The following KCNQ5 variants were observed in gnomAD, a reference collection of about 807,000 sequenced individuals.
KCNQ5 encodes potassium voltage-gated channel subfamily Q member 5, also known as potassium voltage-gated channel subfamily KQT member 5.
KCNQ5 carries 30 observed loss-of-function variants against 98.2 expected under a neutral mutation model. The ratio of observed to expected loss-of-function variants is 0.31; its 90% CI spans 0.23 to 0.41. The LOEUF is 0.41. KCNQ5 is among the 10% of genes least tolerant of loss of function. The pLI, the probability that KCNQ5 is intolerant of heterozygous loss-of-function variation, is 1.00. For synonymous variants in KCNQ5, 458 were observed against 449.4 expected, an observed-to-expected ratio of 1.02 and a Z score of -0.24; for missense variants, 835 against 1,182.5, an observed-to-expected ratio of 0.71 and a Z score of 4.31.
chr6:73,105,836 T>C (rs1191076779), intron 6 of KCNQ5, among the ~76,000 whole-genome samples: 1 of 152,190 alleles, frequency 6.6e-6, no homozygotes, highest in Non-Finnish European at 1.5e-5. Context: ...ATTCATTGTG[T>C]CATCATCATT....
rs1478196512 is a variant in KCNQ5 at position 72,655,042 on chromosome 6, T to C, written c.398+32455T>C. Among the ~76,000 whole-genome samples, 890 of 142,602 alleles carry C rather than the reference T, an allele frequency of 6.2e-3. 3 individuals carry two copies. The highest frequency in any genetic ancestry group is 0.012 in the South Asian group (53 of 4,404). 93.6% of individuals were successfully genotyped at this position (142,602 alleles called of 152,430 possible). ...GGTCTGTCTGTCTTTCTTTCTTTCTTTCTTTCTTTCTTTCTTTCTTTCTTT... is the reference window on the plus strand; with the variant it reads ...GGTCTGTCTGTCTTTCTTTCTTTCTCTCTTTCTTTCTTTCTTTCTTTCTTT... On this transcript the variant is annotated intron_variant, in intron 1 of 13. Coordinates refer to ENST00000370398, the MANE Select transcript of KCNQ5 (RefSeq NM_019842.4).
intron 1 of KCNQ5, among the ~76,000 whole-genome samples, chr6:72,910,141 T>C (rs997262727): frequency 6.6e-6 from 1 of 152,176 alleles, no homozygotes; most frequent in African/African-American, 2.4e-5. Flanking sequence ...TGAATACACC[T>C]AAATTGCAGG....
chr6:72,757,988 T>C (rs1216969431), intron 1 of KCNQ5, among the ~76,000 whole-genome samples: 2 of 152,002 alleles, frequency 1.3e-5, no homozygotes, highest in African/African-American at 4.8e-5. Flanking sequence ...GCATAGTATC[T>C]GCTCCCAAGT....
chr6:72,665,824 T>C (rs1236873354), intron 1 of KCNQ5, among the ~76,000 whole-genome samples: 1 of 152,170 alleles, frequency 6.6e-6, no homozygotes, highest in African/African-American at 2.4e-5. Context: ...GCCACACCAC[T>C]GCTATATTAT....
chr6:72,872,530 G>A (rs1378000002), intron 1 of KCNQ5, among the ~76,000 whole-genome samples: 2 of 152,010 alleles, frequency 1.3e-5, no homozygotes, highest in East Asian at 1.9e-4. Context: ...ATCTTTACAT[G>A]GATTATTTCA....
intron 11 of KCNQ5, among the ~76,000 whole-genome samples, chr6:73,179,996 GATGAATGA>G (rs3837017): frequency 0.048 from 7,311 of 151,682 alleles, 200 homozygotes; most frequent in East Asian, 0.11. Flanking sequence ...ATAAATGTTT[GATGAATGA>G]ATGAATGAAT....
chr6:72,774,736 T>C (rs1773079521), intron 1 of KCNQ5, among the ~76,000 whole-genome samples: 1 of 152,108 alleles, frequency 6.6e-6, no homozygotes, highest in African/African-American at 2.4e-5. Flanking sequence ...ATGAAAAGGT[T>C]CTCGGCTTAA....
chr6:72,987,517 T>A, intron 1 of KCNQ5: 1 of 660,734 alleles, frequency 1.5e-6, no homozygotes, highest in East Asian at 3.4e-5. Flanking sequence ...TCCCCTTCGT[T>A]CAGCCGCCAC....
At chr6:72,671,473 C>CT (rs1248059012) in intron 1 of KCNQ5, among the ~76,000 whole-genome samples, 3 of 152,090 alleles carry the variant, frequency 2.0e-5, no homozygotes, top group Non-Finnish European at 4.4e-5. Context: ...AACCACATAC[C>CT]TTTGTGGTTT....
intron 1 of KCNQ5, among the ~76,000 whole-genome samples, chr6:72,753,955 A>G (rs1771823833): frequency 6.6e-6 from 1 of 152,102 alleles, no homozygotes; most frequent in African/African-American, 2.4e-5. Context: ...TACATAGACA[A>G]TCATGTGGTC....
intron 3 of KCNQ5, 73 bp from the exon 4 acceptor site, chr6:73,077,249 T>C: frequency 2.8e-6 from 4 of 1,433,274 alleles, no homozygotes; most frequent in Non-Finnish European, 3.9e-6. Flanking sequence ...AGTGAACCTT[T>C]TGGAAATATT....
Position 73,169,934 on chromosome 6 carries a change from T to C in KCNQ5, c.1577+80T>C, listed in dbSNP as rs529599138. On this transcript the variant is annotated intron_variant, in intron 11 of 13. Transcript: ENST00000370398. ...TTACTATGTTGCTAAGTTCTTTTTC[T>C]GCAGGTAAATATCCTGGAATAACCA... The C allele has an allele frequency of 2.2e-5, 20 of 902,038 alleles. No individual in the cohort carries two copies. The African/African-American group carries it at 2.5e-4, about 11-fold the overall frequency. 55.9% of individuals were successfully genotyped at this position (902,038 alleles called of 1,614,324 possible). A position where few individuals can be genotyped will look rare whatever the true frequency, so the allele number is the denominator to read the frequency against.
At chr6:72,948,596 A>G (rs1395133078) in intron 1 of KCNQ5, among the ~76,000 whole-genome samples, 1 of 152,158 alleles carries the variant, frequency 6.6e-6, no homozygotes, top group African/African-American at 2.4e-5. Context: ...ATTTTTCTAT[A>G]CTTAAACCTA....
intron 1 of KCNQ5, among the ~76,000 whole-genome samples, chr6:72,667,331 G>A (rs573543569): frequency 4.6e-4 from 70 of 152,266 alleles, no homozygotes; most frequent in African/African-American, 1.6e-3. Flanking sequence ...TATTGTACTT[G>A]TGTTGATCAC....
At chr6:72,848,858 G>A (rs59563594) in intron 1 of KCNQ5, among the ~76,000 whole-genome samples, 5,550 of 152,194 alleles carry the variant, frequency 0.036, 186 homozygotes, top group African/African-American at 0.085. Flanking sequence ...AGAAGGACGT[G>A]TTTGCTTCCC....
chr6:73,112,828 A>G (rs912685935), intron 7 of KCNQ5, among the ~76,000 whole-genome samples: 3 of 152,006 alleles, frequency 2.0e-5, no homozygotes, highest in African/African-American at 7.2e-5. Context: ...AGATCTGTTT[A>G]TATCTAATCA....
At chr6:73,077,620 G>T in intron 4 of KCNQ5, 123 bp downstream of exon 4, 1 of 1,280,354 alleles carries the variant, frequency 7.8e-7, no homozygotes, top group South Asian at 1.5e-5. Flanking sequence ...AAACAATTTT[G>T]GGACATGATG....
At chr6:72,861,348 A>G (rs777740810) in intron 1 of KCNQ5, among the ~76,000 whole-genome samples, 2 of 152,196 alleles carry the variant, frequency 1.3e-5, no homozygotes, top group Non-Finnish European at 2.9e-5. Flanking sequence ...CCTAGGGGAC[A>G]GTAACAAAAT....
chr6:72,733,758 G>A lies in KCNQ5; in HGVS notation c.398+111171G>A, dbSNP rs577040432. On this transcript the variant is annotated intron_variant, in intron 1 of 13. Coordinates refer to ENST00000370398, the MANE Select transcript of KCNQ5 (RefSeq NM_019842.4). ...AGTGCTGGGGAGGACAGCAAGGACA[G>A]CAACTGTACATCTTAATGGTTTCTA... Among the ~76,000 whole-genome samples the A allele has an allele frequency of 5.3e-4, 81 of 152,338 alleles. 2 individuals are homozygous for A. In the South Asian group the frequency reaches 0.016, roughly 30 times the overall value.
Sources: allele counts gnomAD v4.1 joint callset (sites outside exome capture counted in the v4.1 genomes callset), GRCh38; gene constraint gnomAD v4.1.1; transcripts MANE v1.5; gene names NCBI Gene and HGNC (gene_info 2026-07-23, HGNC 2026-07-21).